SORL1: variants seen among roughly 807,000 people sequenced by gnomAD.
The protein encoded by SORL1 is sortilin-related receptor.
A neutral mutation model predicts 273.7 loss-of-function variants in SORL1; 127 were observed. That is an observed-to-expected ratio of 0.46 (90% CI 0.40 to 0.54). The LOEUF is 0.54. Among genes scored for constraint, SORL1 ranks in the 20% least tolerant of loss-of-function variants. The pLI, the probability that SORL1 is intolerant of heterozygous loss-of-function variation, is 0.00. For synonymous variants in SORL1, 1,031 were observed against 1,067.4 expected, an observed-to-expected ratio of 0.97 and a Z score of 0.66; for missense variants, 2,494 against 2,846.1, an observed-to-expected ratio of 0.88 and a Z score of 2.81.
At position 121,627,661 on chromosome 11, in the gene SORL1, C is replaced by T. The variant is rs780270826; in HGVS notation, c.6471C>T (p.Ile2157=). The part of the protein sequence containing the change: ...ILLSLGVGFA[I]LYTKHRRLQS... ...TGAGCCTGGGGGTGGGGTTTGCCAT[C>T]CTGTACACGAAGCACCGGAGGCTGC... The change falls in exon 47 of 48, where the codon ATC becomes ATT. Residue 2157 remains isoleucine, a synonymous_variant. Transcript: ENST00000260197. The surrounding 1 kb of genome is among the most constrained non-coding windows in gnomAD (Gnocchi z 4.9). 1.2e-6 allele frequency: 2 copies of T among 1,614,166 alleles called. No homozygotes were observed. Among genetic ancestry groups the T allele is most frequent in the South Asian group, 1.1e-5 (1 of 91,082 alleles).
chr11:121,573,299 G>A (rs1214915845), intron 23 of SORL1, among the ~76,000 whole-genome samples: 1 of 152,162 alleles, frequency 6.6e-6, no homozygotes, highest in African/African-American at 2.4e-5. Flanking sequence ...TAAGTTGTAG[G>A]TTGCAGACTC....
chr11:121,552,707 G>A (rs1021664739), intron 16 of SORL1, among the ~76,000 whole-genome samples: 3 of 152,140 alleles, frequency 2.0e-5, no homozygotes, highest in Non-Finnish European at 4.4e-5. Flanking sequence ...AAAAATTGTA[G>A]GTAGATTTAT....
chr11:121,470,812 G>GA (rs1468347427), intron 2 of SORL1, among the ~76,000 whole-genome samples: 1 of 152,120 alleles, frequency 6.6e-6, no homozygotes, highest in African/African-American at 2.4e-5. Flanking sequence ...AGAGTAGCAG[G>GA]AACTACAGGT....
intron 9 of SORL1, among the ~76,000 whole-genome samples, chr11:121,522,166 T>C (rs559455577): frequency 1.3e-5 from 2 of 152,370 alleles, no homozygotes; most frequent in East Asian, 1.9e-4. Context: ...GTCTTTCTTA[T>C]GACAGAATTG....
chr11:121,587,494 A>G (rs921871572), intron 27 of SORL1, among the ~76,000 whole-genome samples: 2 of 152,134 alleles, frequency 1.3e-5, no homozygotes, highest in African/African-American at 4.8e-5. Context: ...TTTAGGCCCC[A>G]TTCTTATGGT....
intron 31 of SORL1, among the ~76,000 whole-genome samples, chr11:121,591,529 G>A (rs998340163): frequency 5.3e-5 from 8 of 152,162 alleles, no homozygotes; most frequent in African/African-American, 1.9e-4. Flanking sequence ...ATTAAACTCT[G>A]GGGAGAGAGC....
intron 1 of SORL1, among the ~76,000 whole-genome samples, chr11:121,469,231 C>T (rs1428974324): frequency 6.6e-6 from 1 of 152,194 alleles, no homozygotes; most frequent in African/African-American, 2.4e-5. Flanking sequence ...ACTTCTCTCA[C>T]ATTACACCTG....
chr11:121,509,534 C>T (rs950599705), intron 6 of SORL1, among the ~76,000 whole-genome samples: 15 of 151,994 alleles, frequency 9.9e-5, no homozygotes, highest in South Asian at 2.1e-4. Flanking sequence ...TGGAGTGCAG[C>T]GGCATGATCT....
In SORL1 at chr11:121,497,001, G is replaced by C. The variant is rs368306677; in HGVS notation, c.891G>C (p.Val297=). 2 of 1,614,006 alleles carry C rather than the reference G, an allele frequency of 1.2e-6. No individual in the cohort carries two copies. The highest frequency in any genetic ancestry group is 1.7e-5 in the Admixed American group (1 of 60,000). ...ACCAGGAAGTGATCCTTGAGGAAGTGAGAGATTTTCAGCTTCGGGACAAGT... is the reference window on the plus strand; with the variant it reads ...ACCAGGAAGTGATCCTTGAGGAAGTCAGAGATTTTCAGCTTCGGGACAAGT... ...RENQEVILEE[V]RDFQLRDKYM... The change falls in exon 6 of 48, where the codon GTG becomes GTC. Residue 297 remains valine, a synonymous_variant. Transcript: ENST00000260197.
intron 5 of SORL1, among the ~76,000 whole-genome samples, chr11:121,491,114 C>T (rs536578277): frequency 6.8e-4 from 103 of 152,132 alleles, no homozygotes; most frequent in Middle Eastern, 3.2e-3. Flanking sequence ...CACAGGGATG[C>T]GCCAATGTGG....
chr11:121,535,928 G>A (rs1862260542), intron 12 of SORL1, among the ~76,000 whole-genome samples: 1 of 152,192 alleles, frequency 6.6e-6, no homozygotes, highest in Admixed American at 6.5e-5. Context: ...TCAGCCCGCT[G>A]CTCCTGTGAA....
At chr11:121,455,852 G>A (rs537194751) in intron 1 of SORL1, among the ~76,000 whole-genome samples, 1 of 152,184 alleles carries the variant, frequency 6.6e-6, no homozygotes, top group Non-Finnish European at 1.5e-5. Flanking sequence ...AATTCACTGG[G>A]CGTGGTGGCA....
Position 121,550,804 on chromosome 11 carries a change from CT to C in SORL1, c.2266+136del, listed in dbSNP as rs1299932605. The C allele has an allele frequency of 1.5e-6, 1 of 673,788 alleles. No homozygotes were observed. Among genetic ancestry groups the C allele is most frequent in the East Asian group, 2.8e-5 (1 of 35,942 alleles). 41.7% of individuals were successfully genotyped at this position (673,788 alleles called of 1,614,324 possible). A position where few individuals can be genotyped will look rare whatever the true frequency, so the allele number is the denominator to read the frequency against. ...AATGGCCGTCACAAGCATCACAGGG[CT>C]TCCTCTTTTCCCTAAGGTTGGTTTC... On this transcript the variant is annotated intron_variant, in intron 16 of 47. Transcript: ENST00000260197. This position sits in a 1 kb window ranked among gnomAD's most constrained non-coding sequence, Gnocchi z 5.3.
chr11:121,622,168 T>A lies in SORL1; in HGVS notation c.6071T>A (p.Leu2024Ter). Residue 2024 changes from leucine (L) to a stop codon, truncating the protein, a stop_gained, in exon 45 of 48, where the codon TTA (leucine) becomes TAA (stop). Transcript: ENST00000260197. LOFTEE classifies it high-confidence loss of function. Reference sequence around the variant, plus strand: ...TCTCATCTTTAATTTTCAGTTTCATTATCAGCACCTGATGCCTTAAAAATC... The same window carrying A: ...TCTCATCTTTAATTTTCAGTTTCATAATCAGCACCTGATGCCTTAAAAATC... ...DSSIKITTVS[L>*]SAPDALKIIT... 1.3e-6 allele frequency: 2 copies of A among 1,591,730 alleles called. No individual in the cohort carries two copies. Among genetic ancestry groups the A allele is most frequent in the Non-Finnish European group, 1.7e-6 (2 of 1,162,036 alleles).
At chr11:121,623,846 GTAT>G (rs151244392) in intron 45 of SORL1, among the ~76,000 whole-genome samples, 102 of 152,308 alleles carry the variant, frequency 6.7e-4, no homozygotes, top group Non-Finnish European at 1.2e-3. Flanking sequence ...TCAAAGAATT[GTAT>G]TAGTCCGTTT....
At chr11:121,625,486 G>C (rs1863783380) in intron 46 of SORL1, among the ~76,000 whole-genome samples, 1 of 152,158 alleles carries the variant, frequency 6.6e-6, no homozygotes, top group Admixed American at 6.5e-5. Context: ...GAGATTACAG[G>C]GGGACCGGAT....
intron 40 of SORL1, chr11:121,614,568 G>A: frequency 3.7e-6 from 1 of 271,938 alleles, no homozygotes; most frequent in South Asian, 4.9e-5. Flanking sequence ...TGGATTGAAG[G>A]GTATGATTTC....
Position 121,532,464 on chromosome 11 carries a change from G to C in SORL1, c.1597G>C (p.Ala533Pro). ...SSSAGARWRE[A>P]LPGPHYYTWG... ...GTCACCATGGATTTTTCCTCTTCAG[G>C]CACTTCCTGGACCTCACTACTACAC... is the stretch of plus-strand genomic sequence containing the variant. Residue 533 changes from alanine to proline, a missense_variant and splice_region_variant, in exon 12 of 48, where the codon GCA becomes CCA. Around this residue, in one of 3 missense-constraint regions of SORL1, gnomAD observed 710 missense variants for 882.5 expected, o/e 0.80. Transcript: ENST00000260197. 1.2e-6 allele frequency: 2 copies of C among 1,613,930 alleles called. No homozygotes were observed. Among genetic ancestry groups the C allele is most frequent in the Non-Finnish European group, 1.7e-6 (2 of 1,179,920 alleles).
chr11:121,523,120 A>G (rs1862066074), intron 11 of SORL1, 131 bp downstream of exon 11: 7 of 662,096 alleles, frequency 1.1e-5, no homozygotes, highest in Non-Finnish European at 1.9e-5. Flanking sequence ...TATGACTATA[A>G]AGTAAAGAAA....
Sources: allele counts gnomAD v4.1 joint callset (sites outside exome capture counted in the v4.1 genomes callset), GRCh38; gene constraint gnomAD v4.1.1; regional missense constraint gnomAD v4.1.1; non-coding constraint Gnocchi (gnomAD v3.1); transcripts MANE v1.5; gene names NCBI Gene and HGNC (gene_info 2026-07-23, HGNC 2026-07-21).